Variants in HMOX2 observed in about 807,000 individuals in gnomAD.
HMOX2 encodes heme oxygenase (decycling) 2.
HMOX2 carries 30 observed loss-of-function variants against 33.7 expected under a neutral mutation model. The observed-to-expected ratio is 0.89, with a 90% CI of 0.67 to 1.21. HMOX2 has a LOEUF of 1.21. Ranked by LOEUF, HMOX2 falls within the 50% of genes most tolerant of loss-of-function variation. HMOX2 has a pLI of 0.00. For synonymous variants in HMOX2, 155 were observed against 155.0 expected, an observed-to-expected ratio of 1.00 and a Z score of 0.00; for missense variants, 403 against 399.1, an observed-to-expected ratio of 1.01 and a Z score of -0.08.
chr16:4,483,944 C>T (rs1224086009), intron 1 of HMOX2, among the ~76,000 whole-genome samples: 2 of 149,324 alleles, frequency 1.3e-5, no homozygotes, highest in African/African-American at 2.5e-5. Flanking sequence ...TTCTAAATTA[C>T]AGTATCACAC....
chr16:4,477,796 C>G (rs1255719585), intron 1 of HMOX2, among the ~76,000 whole-genome samples: 1 of 152,164 alleles, frequency 6.6e-6, no homozygotes, highest in East Asian at 1.9e-4. Flanking sequence ...TGGCGCGTGT[C>G]TGTAATCCCA....
At chr16:4,479,069 T>A (rs1019869322) in intron 1 of HMOX2, among the ~76,000 whole-genome samples, 9 of 152,040 alleles carry the variant, frequency 5.9e-5, no homozygotes, top group African/African-American at 2.2e-4. Flanking sequence ...GAGAATTGCT[T>A]GAACCTGGGA....
intron 1 of HMOX2, among the ~76,000 whole-genome samples, chr16:4,499,047 C>T (rs2058494153): frequency 6.6e-6 from 1 of 152,236 alleles, no homozygotes. Flanking sequence ...TTCCTATTTC[C>T]TGACGCTGCT....
intron 1 of HMOX2, among the ~76,000 whole-genome samples, chr16:4,504,471 C>T (rs554574300): frequency 6.8e-6 from 1 of 146,382 alleles, no homozygotes; most frequent in Non-Finnish European, 1.5e-5. Flanking sequence ...AGTGATTCTC[C>T]TGCCTCAGCC....
intron 1 of HMOX2, among the ~76,000 whole-genome samples, chr16:4,491,408 G>C (rs1389018999): frequency 6.6e-6 from 1 of 152,076 alleles, no homozygotes. Flanking sequence ...CTGGCACTTT[G>C]GGAGGCCAAG....
intron 1 of HMOX2, among the ~76,000 whole-genome samples, chr16:4,489,595 A>C (rs532589649): frequency 1.9e-4 from 29 of 152,250 alleles, no homozygotes; most frequent in Admixed American, 6.5e-4. Flanking sequence ...GGTAGCTGGG[A>C]CTACAGGCAT....
intron 1 of HMOX2, among the ~76,000 whole-genome samples, chr16:4,485,936 C>T (rs2058156726): frequency 6.6e-6 from 1 of 152,098 alleles, no homozygotes; most frequent in South Asian, 2.1e-4. Flanking sequence ...GTTGGCCAGG[C>T]TGGTCTCGAA....
intron 1 of HMOX2, among the ~76,000 whole-genome samples, chr16:4,490,442 T>C (rs1019553805): frequency 4.6e-5 from 7 of 152,192 alleles, no homozygotes; most frequent in Admixed American, 4.6e-4. Context: ...TTCTGATTCT[T>C]AGCTTTCTTA....
intron 1 of HMOX2, 106 bp from the exon 2 acceptor site, chr16:4,505,378 T>G (rs1448401112): frequency 1.7e-6 from 1 of 581,708 alleles, no homozygotes. Flanking sequence ...CTGGGGTGTG[T>G]GGGTGTCACC....
chr16:4,479,726 A>ATTTTTTTTTTTTTTTTT (rs58936845), intron 1 of HMOX2, among the ~76,000 whole-genome samples: 1 of 79,874 alleles, frequency 1.3e-5, no homozygotes, highest in African/African-American at 5.2e-5. Context: ...TTCTTATTCT[A>ATTTTTTTTTTTTTTTTT]TTTTTTTTTT....
intron 1 of HMOX2, among the ~76,000 whole-genome samples, chr16:4,480,498 C>G (rs1267409586): frequency 2.0e-5 from 3 of 151,772 alleles, no homozygotes; most frequent in Non-Finnish European, 4.4e-5. Flanking sequence ...GTGTGTGCCA[C>G]CACACCCAGT....
At chr16:4,490,428 GTTC>G (rs962926367) in intron 1 of HMOX2, among the ~76,000 whole-genome samples, 2 of 152,154 alleles carry the variant, frequency 1.3e-5, no homozygotes, top group African/African-American at 4.8e-5. Flanking sequence ...GTAGAAGTTA[GTTC>G]TTCTGATTCT....
At chr16:4,485,264 C>G (rs918989266) in intron 1 of HMOX2, among the ~76,000 whole-genome samples, 1 of 152,122 alleles carries the variant, frequency 6.6e-6, no homozygotes, top group African/African-American at 2.4e-5. Context: ...CCATGTCAGG[C>G]CTTTTTCTGA....
In HMOX2 at chr16:4,507,815, C is replaced by T. The variant is rs1027239695; in HGVS notation, c.307C>T (p.Leu103=). Residue 103 remains leucine, a synonymous_variant, in exon 4 of 6, where the codon CTG becomes TTG. Transcript: ENST00000570646. Reference sequence around the variant, plus strand: ...TGCCCCTTTGTACTTCCCCATGGAGCTGCACCGGAAGGAGGCGCTGACCAA... The same window carrying T: ...TGCCCCTTTGTACTTCCCCATGGAGTTGCACCGGAAGGAGGCGCTGACCAA... ...AFAPLYFPME[L]HRKEALTKDM... is the part of the protein sequence containing the mutation. 3 of 1,614,106 alleles carry T rather than the reference C, an allele frequency of 1.9e-6. No individual in the cohort carries two copies. In the African/African-American group the frequency reaches 4.0e-5, roughly 22 times the overall value.
At chr16:4,477,411 A>G (rs769020267) in intron 1 of HMOX2, among the ~76,000 whole-genome samples, 9 of 150,910 alleles carry the variant, frequency 6.0e-5, no homozygotes, top group African/African-American at 1.5e-4. Flanking sequence ...AGGCAGGAGA[A>G]TCGCTTGAAC....
Position 4,505,473 on chromosome 16 carries a change from T to C in HMOX2, c.-41-11T>C. 1 of 1,379,846 alleles carries C rather than the reference T, an allele frequency of 7.2e-7. No homozygotes were observed. Among genetic ancestry groups the C allele is most frequent in the Non-Finnish European group, 1.0e-6 (1 of 993,420 alleles). The allele number at this position is 1,379,846 out of a possible 1,614,324, so 85.5% of individuals were successfully genotyped here. ...TGGGTGCCACATCACCAGCTCCTTGTGTCTCTGCAGGACCAGAGGAGCGAG... is the reference window on the plus strand; with the variant it reads ...TGGGTGCCACATCACCAGCTCCTTGCGTCTCTGCAGGACCAGAGGAGCGAG... On this transcript the variant is annotated splice_polypyrimidine_tract_variant and intron_variant, in intron 1 of 5. Coordinates refer to ENST00000570646, the MANE Select transcript of HMOX2 (RefSeq NM_002134.4).
chr16:4,501,512 A>C (rs2058557577), intron 1 of HMOX2, among the ~76,000 whole-genome samples: 1 of 152,106 alleles, frequency 6.6e-6, no homozygotes, highest in Admixed American at 6.5e-5. Context: ...TACAGATTAC[A>C]ATTACTATTA....
chr16:4,482,702 A>G (rs527323644), intron 1 of HMOX2, among the ~76,000 whole-genome samples: 5 of 152,298 alleles, frequency 3.3e-5, no homozygotes, highest in African/African-American at 1.2e-4. Context: ...CACTTTACTT[A>G]CATTTACCAA....
chr16:4,483,062 A>C (rs1005801537), intron 1 of HMOX2, among the ~76,000 whole-genome samples: 1 of 151,964 alleles, frequency 6.6e-6, no homozygotes, highest in Non-Finnish European at 1.5e-5. Context: ...CAGATGGAAG[A>C]GATGTATAGG....
Sources: gnomAD v4.1 joint callset for allele counts (sites outside exome capture counted in the v4.1 genomes callset) on GRCh38, gnomAD v4.1.1 for gene constraint, MANE v1.5 for transcripts, NCBI Gene and HGNC (gene_info 2026-07-23, HGNC 2026-07-21) for gene names.